PDGFC: variants seen among roughly 807,000 people sequenced by gnomAD.
The protein encoded by PDGFC is platelet-derived growth factor C.
In PDGFC, 12 loss-of-function variants were observed where a neutral mutation model predicts 35.5. The observed-to-expected ratio is 0.34, with a 90% CI of 0.22 to 0.55. The LOEUF is 0.55. PDGFC is among the 20% of genes least tolerant of loss of function. PDGFC has a pLI of 0.91. For missense variants in PDGFC, 322 were observed against 412.4 expected (o/e 0.78, Z 1.90); for synonymous variants, 159 against 148.8 (o/e 1.07, Z -0.50).
chr4:156,767,042 T>C (rs1224009914), intron 5 of PDGFC, among the ~76,000 whole-genome samples: 1 of 152,096 alleles, frequency 6.6e-6, no homozygotes, highest in Non-Finnish European at 1.5e-5. Flanking sequence ...TAATGTTTTG[T>C]AGAAATTCAA....
chr4:156,874,691 A>G (rs1188936372), intron 1 of PDGFC, among the ~76,000 whole-genome samples: 1 of 152,086 alleles, frequency 6.6e-6, no homozygotes, highest in African/African-American at 2.4e-5. Flanking sequence ...CTGCATTTAT[A>G]AAAGACTAAA....
chr4:156,851,035 A>G (rs1175830815), intron 1 of PDGFC, among the ~76,000 whole-genome samples: 1 of 152,186 alleles, frequency 6.6e-6, no homozygotes, highest in Non-Finnish European at 1.5e-5. Flanking sequence ...CACTATTTAC[A>G]GCTTCTTACC....
chr4:156,952,591 A>G (rs1357224250), intron 1 of PDGFC, among the ~76,000 whole-genome samples: 1 of 151,886 alleles, frequency 6.6e-6, no homozygotes, highest in Non-Finnish European at 1.5e-5. Flanking sequence ...CAACTAGACT[A>G]AAATGTAAAT....
chr4:156,912,895 A>T (rs1269311617), intron 1 of PDGFC, among the ~76,000 whole-genome samples: 1 of 152,076 alleles, frequency 6.6e-6, no homozygotes, highest in East Asian at 1.9e-4. Context: ...TGGAGGGATT[A>T]AAAAAATCTT....
At chr4:156,783,998 G>C (rs964316510) in intron 3 of PDGFC, among the ~76,000 whole-genome samples, 5 of 152,102 alleles carry the variant, frequency 3.3e-5, no homozygotes, top group Non-Finnish European at 7.3e-5. Context: ...ATGTAATACA[G>C]GCAAAATTGG....
At chr4:156,905,181 A>T (rs916196993) in intron 1 of PDGFC, among the ~76,000 whole-genome samples, 3 of 152,124 alleles carry the variant, frequency 2.0e-5, no homozygotes, top group African/African-American at 7.2e-5. Context: ...ACTAATTTCA[A>T]ATATAACCTT....
intron 3 of PDGFC, among the ~76,000 whole-genome samples, chr4:156,797,435 C>G (rs946715771): frequency 1.3e-5 from 2 of 151,856 alleles, no homozygotes; most frequent in Admixed American, 1.3e-4. Context: ...GAAAGTGATA[C>G]GCAAAAAACA....
intron 3 of PDGFC, among the ~76,000 whole-genome samples, chr4:156,802,557 C>T (rs1475755945): frequency 1.8e-5 from 1 of 56,408 alleles, no homozygotes; most frequent in East Asian, 4.1e-4. Context: ...CACACACATA[C>T]ACACACACAC....
At chr4:156,907,987 T>C (rs1019702920) in intron 1 of PDGFC, among the ~76,000 whole-genome samples, 4 of 152,008 alleles carry the variant, frequency 2.6e-5, no homozygotes, top group Non-Finnish European at 4.4e-5. Flanking sequence ...GCCAATATGG[T>C]GAAACCCCGT....
chr4:156,846,490 T>A (rs1231183400), intron 2 of PDGFC, among the ~76,000 whole-genome samples: 1 of 151,680 alleles, frequency 6.6e-6, no homozygotes, highest in Non-Finnish European at 1.5e-5. Context: ...CTGACCAATG[T>A]CATGAAAGGT....
chr4:156,875,874 C>T (rs1457171294), intron 1 of PDGFC, among the ~76,000 whole-genome samples: 1 of 152,006 alleles, frequency 6.6e-6, no homozygotes, highest in African/African-American at 2.4e-5. Context: ...CAGAGCAAAA[C>T]CCTGTTGGGG....
At chr4:156,790,926 T>C (rs1731282999) in intron 3 of PDGFC, among the ~76,000 whole-genome samples, 1 of 152,200 alleles carries the variant, frequency 6.6e-6, no homozygotes, top group Non-Finnish European at 1.5e-5. Flanking sequence ...CCTGCCTGGC[T>C]TTTGCATTTT....
At position 156,945,358 on chromosome 4, in the gene PDGFC, T is replaced by C. The variant is rs925642925; in HGVS notation, c.118+25428A>G. On this transcript the variant is annotated intron_variant, in intron 1 of 5. Coordinates refer to ENST00000502773, the MANE Select transcript of PDGFC (RefSeq NM_016205.3). Reference sequence around the variant, plus strand: ...ATATACATACATATATATATATATATATATATATATATATATATATATATA... The same window carrying C: ...ATATACATACATATATATATATATACATATATATATATATATATATATATA... Among the ~76,000 whole-genome samples, 181 of 92,616 alleles carry C rather than the reference T, an allele frequency of 2.0e-3. 2 individuals are homozygous for C. Among genetic ancestry groups the C allele is most frequent in the East Asian group, 6.7e-3 (14 of 2,102 alleles). The allele number at this position is 92,616 out of a possible 152,430, so 60.8% of individuals were successfully genotyped here.
At position 156,819,377 on chromosome 4, in the gene PDGFC, C is replaced by T. The variant is rs188128439; in HGVS notation, c.315-8360G>A. Among the ~76,000 whole-genome samples the T allele has an allele frequency of 4.7e-3, 720 of 152,182 alleles. 3 individuals carry two copies. The highest frequency in any genetic ancestry group is 5.9e-3 in the Non-Finnish European group (401 of 68,018). Reference sequence around the variant, plus strand: ...AAAGTTTCAAAGGACAGGCTGACTCCCTTGTTAGGGGCTAATGCATCTGGT... The same window carrying T: ...AAAGTTTCAAAGGACAGGCTGACTCTCTTGTTAGGGGCTAATGCATCTGGT... On this transcript the variant is annotated intron_variant, in intron 2 of 5. Coordinates refer to ENST00000502773, the MANE Select transcript of PDGFC (RefSeq NM_016205.3).
intron 1 of PDGFC, among the ~76,000 whole-genome samples, chr4:156,881,380 G>A (rs994785974): frequency 6.6e-6 from 1 of 152,096 alleles, no homozygotes; most frequent in African/African-American, 2.4e-5. Context: ...ATCTGCACTG[G>A]AAAATCAAAA....
chr4:156,950,998 G>A (rs1010966951), intron 1 of PDGFC, among the ~76,000 whole-genome samples: 2 of 151,768 alleles, frequency 1.3e-5, no homozygotes, highest in African/African-American at 4.8e-5. Flanking sequence ...ACCTAAACAA[G>A]GAGAAAGGAA....
chr4:156,866,827 C>T (rs1021893112), intron 1 of PDGFC, among the ~76,000 whole-genome samples: 1 of 152,142 alleles, frequency 6.6e-6, no homozygotes, highest in African/African-American at 2.4e-5. Context: ...TAAATAGGTT[C>T]TCTCCTGTAA....
chr4:156,829,265 AAGAC>A lies in PDGFC; in HGVS notation c.315-18252_315-18249del, dbSNP rs1191724488. ...ATTGTTGAACGAGGAATTAAGAAGAAAGACAGACTGCCATTTCTCAAGAAGCAAA... is the reference window on the plus strand; with the variant it reads ...ATTGTTGAACGAGGAATTAAGAAGAAAGACTGCCATTTCTCAAGAAGCAAA... On this transcript the variant is annotated intron_variant, in intron 2 of 5. Coordinates refer to ENST00000502773, the MANE Select transcript of PDGFC (RefSeq NM_016205.3). Among the ~76,000 whole-genome samples the A allele has an allele frequency of 2.6e-5, 4 of 152,342 alleles. No homozygotes were observed. The South Asian group carries it at 6.2e-4, about 24-fold the overall frequency.
intron 3 of PDGFC, among the ~76,000 whole-genome samples, chr4:156,788,063 T>C (rs1387647645): frequency 6.6e-6 from 1 of 152,182 alleles, no homozygotes; most frequent in Non-Finnish European, 1.5e-5. Context: ...ATTTCATTCA[T>C]GGACAACATT....
Sources: gnomAD v4.1 joint callset for allele counts (sites outside exome capture counted in the v4.1 genomes callset) on GRCh38, gnomAD v4.1.1 for gene constraint, MANE v1.5 for transcripts, NCBI Gene and HGNC (gene_info 2026-07-23, HGNC 2026-07-21) for gene names.